DLEU7: variants seen among roughly 807,000 people sequenced by gnomAD.
DLEU7 encodes the protein deleted in lymphocytic leukemia 7, also known as leukemia-associated protein 7.
A neutral mutation model predicts 16.0 loss-of-function variants in DLEU7; 17 were observed. That is an observed-to-expected ratio of 1.06 (90% confidence interval 0.73 to 1.59). The LOEUF (loss-of-function observed/expected upper bound fraction) is 1.59, where lower values mean the gene tolerates loss of function less well. Ranked by LOEUF, DLEU7 falls within the 40% of genes most tolerant of loss-of-function variation. DLEU7 has a pLI of 0.00. For synonymous variants in DLEU7, 113 were observed against 139.8 expected (o/e 0.81, Z 1.35); for missense variants, 308 against 314.9 (o/e 0.98, Z 0.17).
intron 1 of DLEU7, among the ~76,000 whole-genome samples, chr13:50,733,060 A>C (rs1028610445): frequency 2.0e-5 from 3 of 152,126 alleles, no homozygotes; most frequent in African/African-American, 4.8e-5. Context: ...ACAGTTGACT[A>C]CCTTTTCTTT....
At chr13:50,821,090 T>A (rs1286140869), downstream of DLEU7, among the ~76,000 whole-genome samples, 1 of 151,898 alleles carries the variant, frequency 6.6e-6, no homozygotes, top group Non-Finnish European at 1.5e-5. Flanking sequence ...ATGCCAAGGG[T>A]CCCTGGAGAC....
chr13:50,843,046 T>C lies in DLEU7; in HGVS notation c.459+142A>G. Reference sequence around the variant, plus strand: ...GTCCCCAGAGTGTCCCCCGCCCCCTTCCTTCTCCCACTGGGGCTGAATCAC... The same window carrying C: ...GTCCCCAGAGTGTCCCCCGCCCCCTCCCTTCTCCCACTGGGGCTGAATCAC... On this transcript the variant is annotated intron_variant, in intron 1 of 1. Transcript: ENST00000504404. This position sits in a 1 kb window ranked among gnomAD's most constrained non-coding sequence, Gnocchi z 5.7. 2.2e-6 allele frequency: 2 copies of C among 894,584 alleles called. No homozygotes were observed. Among genetic ancestry groups the C allele is most frequent in the East Asian group, 6.6e-5 (2 of 30,080 alleles). The allele number at this position is 894,584 out of a possible 1,614,324, so 55.4% of individuals were successfully genotyped here. A position where few individuals can be genotyped will look rare whatever the true frequency, so the allele number is the denominator to read the frequency against.
At chr13:50,821,599 G>A (rs74078455), downstream of DLEU7, among the ~76,000 whole-genome samples, 160 of 152,214 alleles carry the variant, frequency 1.1e-3, no homozygotes, top group African/African-American at 3.6e-3. Flanking sequence ...GTTCATGGAG[G>A]GGGTGGTGGG....
chr13:50,772,832 G>A (rs36116291), intron 1 of DLEU7, among the ~76,000 whole-genome samples: 22,411 of 152,068 alleles, frequency 0.15, 1,901 homozygotes, highest in Middle Eastern at 0.24. Flanking sequence ...GGTTGGGGAA[G>A]TTCTCCTGGA....
At chr13:50,747,654 G>A (rs988462284) in intron 1 of DLEU7, among the ~76,000 whole-genome samples, 1 of 152,026 alleles carries the variant, frequency 6.6e-6, no homozygotes, top group Non-Finnish European at 1.5e-5. Context: ...GTCCTCGTCA[G>A]CCTGTGAGCC....
chr13:50,756,377 G>C (rs1449484658), intron 1 of DLEU7, among the ~76,000 whole-genome samples: 1 of 152,144 alleles, frequency 6.6e-6, no homozygotes, highest in Non-Finnish European at 1.5e-5. Context: ...ACTCTCCTTC[G>C]ATGGGTCTTG....
At chr13:50,783,723 C>A (rs897232679) in intron 1 of DLEU7, among the ~76,000 whole-genome samples, 3 of 152,198 alleles carry the variant, frequency 2.0e-5, no homozygotes, top group Non-Finnish European at 4.4e-5. Context: ...TAGGTGCTCA[C>A]AAATTCAACA....
intron 1 of DLEU7, among the ~76,000 whole-genome samples, chr13:50,785,656 C>T (rs1218262574): frequency 6.6e-6 from 1 of 152,238 alleles, no homozygotes; most frequent in Non-Finnish European, 1.5e-5. Context: ...CTGGGAAACA[C>T]TCCTGTGGCA....
rs540144177 is a variant in DLEU7 at position 50,782,249 on chromosome 13, A to G, written c.459+60939T>C. 2.6e-5 allele frequency among the ~76,000 whole-genome samples: 4 copies of G among 152,348 alleles called. No homozygotes were observed. The South Asian group carries it at 8.3e-4, about 32-fold the overall frequency. The stretch of plus-strand genomic sequence containing the variant: ...AGTCTTTGTAACTAGACTTTAGTAC[A>G]GTGACTGGCATGGTTCCTGAAACAA... On this transcript the variant is annotated intron_variant, in intron 1 of 1. Coordinates refer to the DLEU7 transcript ENST00000400393.
At chr13:50,767,455 C>CAAAAAAAAAAAAAA (rs35091007) in intron 1 of DLEU7, among the ~76,000 whole-genome samples, 1 of 64,510 alleles carries the variant, frequency 1.6e-5, no homozygotes, top group African/African-American at 5.9e-5. Flanking sequence ...GACTCCGTCT[C>CAAAAAAAAAAAAAA]AAAAAAAAAA....
intron 1 of DLEU7, among the ~76,000 whole-genome samples, chr13:50,761,253 T>C (rs1189228135): frequency 6.6e-6 from 1 of 152,176 alleles, no homozygotes; most frequent in Non-Finnish European, 1.5e-5. Flanking sequence ...GAATGTTTTA[T>C]AGAGCTTTAG....
chr13:50,749,681 G>C (rs1425271363), intron 1 of DLEU7, among the ~76,000 whole-genome samples: 1 of 152,070 alleles, frequency 6.6e-6, no homozygotes, highest in Non-Finnish European at 1.5e-5. Context: ...GCATTTTCCT[G>C]ATCATTAGTA....
chr13:50,825,648 T>C (rs1205212281), intron 1 of DLEU7, among the ~76,000 whole-genome samples: 1 of 152,210 alleles, frequency 6.6e-6, no homozygotes, highest in Non-Finnish European at 1.5e-5. Flanking sequence ...GTGAATTTGG[T>C]AGCTTCGATA....
Position 50,745,435 on chromosome 13 carries a change from C to T in DLEU7, c.460-32195G>A, listed in dbSNP as rs551521802. Among the ~76,000 whole-genome samples, 154 of 152,084 alleles carry T rather than the reference C, an allele frequency of 1.0e-3. No individual in the cohort carries two copies. In the Middle Eastern group the frequency reaches 0.01, roughly 10 times the overall value. On this transcript the variant is annotated intron_variant, in intron 1 of 1. Transcript: ENST00000400393. ...TGGGAAATGGGGAGTTAGTGTTTAACGGGTACAGAGTTTCAGTTTTGGGAG... is the reference window on the plus strand; with the variant it reads ...TGGGAAATGGGGAGTTAGTGTTTAATGGGTACAGAGTTTCAGTTTTGGGAG...
intron 1 of DLEU7, among the ~76,000 whole-genome samples, chr13:50,716,856 A>C (rs1873452240): frequency 6.6e-6 from 1 of 152,194 alleles, no homozygotes. Context: ...GACACATCAA[A>C]AACTGTTGAC....
At chr13:50,781,222 T>C (rs1305466728) in intron 1 of DLEU7, among the ~76,000 whole-genome samples, 1 of 152,212 alleles carries the variant, frequency 6.6e-6, no homozygotes, top group African/African-American at 2.4e-5. Flanking sequence ...ATGAGGGTTG[T>C]ACCAATCAAT....
At chr13:50,787,719 C>A (rs147022869) in intron 1 of DLEU7, among the ~76,000 whole-genome samples, 29 of 152,086 alleles carry the variant, frequency 1.9e-4, no homozygotes, top group South Asian at 4.2e-4. Flanking sequence ...CCCTCCCCCC[C>A]ACCTTTAACA....
At chr13:50,763,595 T>G (rs189159514) in intron 1 of DLEU7, among the ~76,000 whole-genome samples, 1 of 152,282 alleles carries the variant, frequency 6.6e-6, no homozygotes, top group East Asian at 1.9e-4. Context: ...AACAGAACTG[T>G]CAGAAAATTC....
chr13:50,756,631 A>G (rs764317792), intron 1 of DLEU7, among the ~76,000 whole-genome samples: 46 of 152,262 alleles, frequency 3.0e-4, no homozygotes, highest in Admixed American at 1.4e-3. Flanking sequence ...AACTTGCCCC[A>G]GGCTACCTGC....
Sources: allele counts gnomAD v4.1 joint callset (sites outside exome capture counted in the v4.1 genomes callset), GRCh38; gene constraint gnomAD v4.1.1; non-coding constraint Gnocchi (gnomAD v3.1); transcripts MANE v1.5; gene names NCBI Gene and HGNC (gene_info 2026-07-23, HGNC 2026-07-21).